The following TGFBR2 variants were observed in gnomAD, a reference collection of about 807,000 sequenced individuals.
TGFBR2 encodes the protein transforming growth factor beta receptor 2, also known as TGF-beta receptor type-2.
A neutral mutation model predicts 49.0 loss-of-function variants in TGFBR2; 18 were observed. The observed-to-expected ratio is 0.37, with a 90% CI of 0.25 to 0.54. TGFBR2 has a LOEUF of 0.54. TGFBR2 is among the 20% of genes least tolerant of loss of function. The pLI is 0.85. For synonymous variants in TGFBR2, 282 were observed against 275.9 expected, an observed-to-expected ratio of 1.02 and a Z score of -0.22; for missense variants, 525 against 722.6, an observed-to-expected ratio of 0.73 and a Z score of 3.13.
rs104893816 is a variant in TGFBR2, at chr3:30,674,229, G to A, written c.1379G>A (p.Arg460His). ...CTGGTGCTCTGGGAAATGACATCTC[G>A]CTGTAATGCAGTGGGAGGTAGGTGT... Reference protein sequence around the residue: ...MALVLWEMTSRCNAVGEVKDY... With the variant: ...MALVLWEMTSHCNAVGEVKDY... The change falls in exon 5 of 7, where the codon CGC becomes CAC. Residue 460 changes from arginine to histidine, a missense_variant. Arg to His is a conservative substitution (Grantham distance 29, BLOSUM62 0). Transcript: ENST00000295754. The A allele has an allele frequency of 6.2e-7, 1 of 1,614,112 alleles. No homozygotes were observed.
At chr3:30,635,056 A>C (rs1377931008) in intron 1 of TGFBR2, among the ~76,000 whole-genome samples, 1 of 152,206 alleles carries the variant, frequency 6.6e-6, no homozygotes, top group Non-Finnish European at 1.5e-5. Flanking sequence ...TGAAAAACTT[A>C]AGAATTTCAT....
At chr3:30,690,992 T>C (rs569791956) in intron 6 of TGFBR2, among the ~76,000 whole-genome samples, 1 of 152,132 alleles carries the variant, frequency 6.6e-6, no homozygotes, top group African/African-American at 2.4e-5. Flanking sequence ...GGGGAAGGGG[T>C]TTTGTGAAAA....
intron 3 of TGFBR2, among the ~76,000 whole-genome samples, chr3:30,663,263 T>C (rs1039144066): frequency 5.1e-5 from 7 of 138,420 alleles, no homozygotes; most frequent in African/African-American, 1.1e-4. Context: ...TACAGTACAG[T>C]CCATATTCAG....
chr3:30,609,357 T>C (rs1443509854), intron 1 of TGFBR2, among the ~76,000 whole-genome samples: 1 of 152,236 alleles, frequency 6.6e-6, no homozygotes, highest in Admixed American at 6.5e-5. Flanking sequence ...TTTCAAAATA[T>C]CTTAATGCAA....
intron 6 of TGFBR2, among the ~76,000 whole-genome samples, chr3:30,690,634 A>G (rs1007972838): frequency 2.0e-5 from 3 of 152,222 alleles, no homozygotes; most frequent in Non-Finnish European, 4.4e-5. Context: ...CTGTTAAAAT[A>G]GAACAGTGTA....
chr3:30,608,663 G>T (rs577053599), intron 1 of TGFBR2, among the ~76,000 whole-genome samples: 17 of 152,214 alleles, frequency 1.1e-4, no homozygotes, highest in Admixed American at 1.1e-3. Context: ...ATTGAAGGTG[G>T]CATGGAGATG....
chr3:30,641,072 C>T (rs572523517), intron 1 of TGFBR2, among the ~76,000 whole-genome samples: 1 of 152,178 alleles, frequency 6.6e-6, no homozygotes, highest in African/African-American at 2.4e-5. Flanking sequence ...CACTGGCCCT[C>T]ATCCCACTCT....
intron 5 of TGFBR2, among the ~76,000 whole-genome samples, chr3:30,680,434 G>A (rs1354803270): frequency 6.6e-6 from 1 of 152,130 alleles, no homozygotes; most frequent in Non-Finnish European, 1.5e-5. Context: ...TATTTATTGA[G>A]TACCTATTGT....
intron 3 of TGFBR2, among the ~76,000 whole-genome samples, chr3:30,662,456 G>A (rs1010046226): frequency 3.3e-5 from 5 of 152,180 alleles, no homozygotes; most frequent in African/African-American, 9.7e-5. Flanking sequence ...GCTTTGTTCT[G>A]AAATATGTGC....
chr3:30,669,930 G>C (rs910032450), intron 3 of TGFBR2, among the ~76,000 whole-genome samples: 1 of 151,998 alleles, frequency 6.6e-6, no homozygotes, highest in Admixed American at 6.6e-5. Flanking sequence ...GGTTCCCCTT[G>C]AGAGAATTTG....
intron 3 of TGFBR2, among the ~76,000 whole-genome samples, chr3:30,663,351 C>G (rs989289148): frequency 6.6e-6 from 1 of 152,056 alleles, no homozygotes; most frequent in Non-Finnish European, 1.5e-5. Context: ...GATTGTTTTG[C>G]CTCTACAGTG....
intron 5 of TGFBR2, among the ~76,000 whole-genome samples, chr3:30,675,639 C>T (rs967089473): frequency 3.9e-5 from 6 of 152,192 alleles, no homozygotes; most frequent in African/African-American, 1.4e-4. Context: ...CCCACCTCGG[C>T]CTCCCAAAGT....
chr3:30,666,437 T>A (rs1041213087), intron 3 of TGFBR2, among the ~76,000 whole-genome samples: 1 of 152,192 alleles, frequency 6.6e-6, no homozygotes, highest in African/African-American at 2.4e-5. Context: ...ACTACTAAAC[T>A]GTGGTTCTTA....
chr3:30,608,010 G>A (rs1403251567), intron 1 of TGFBR2, among the ~76,000 whole-genome samples: 1 of 150,636 alleles, frequency 6.6e-6, no homozygotes, highest in African/African-American at 2.4e-5. Flanking sequence ...GCGCAATCTC[G>A]GCTCACTGCA....
chr3:30,654,656 A>C (rs952722683), intron 3 of TGFBR2, among the ~76,000 whole-genome samples: 13 of 152,228 alleles, frequency 8.5e-5, no homozygotes, highest in African/African-American at 3.1e-4. Flanking sequence ...GTCATGATGG[A>C]TGGCCTGGTG....
At chr3:30,628,762 A>G (rs1197563036) in intron 1 of TGFBR2, among the ~76,000 whole-genome samples, 2 of 151,994 alleles carry the variant, frequency 1.3e-5, no homozygotes, top group Non-Finnish European at 2.9e-5. Flanking sequence ...ATGAGCCTTT[A>G]CAGGTTTCAG....
chr3:30,672,568 G>C lies in TGFBR2; in HGVS notation c.1254+131G>C. ...CACTGGTCTAGGGAATCTAGCCAAA[G>C]TATGGAGTCTGCCTTGAGCATACTC... is the stretch of plus-strand genomic sequence containing the variant. On this transcript the variant is annotated intron_variant, in intron 4 of 6. Transcript: ENST00000295754. This position sits in a 1 kb window ranked among gnomAD's most constrained non-coding sequence, Gnocchi z 4.5. 1 of 1,023,616 alleles carries C rather than the reference G, an allele frequency of 9.8e-7. No homozygotes were observed. Among genetic ancestry groups the C allele is most frequent in the South Asian group, 1.3e-5 (1 of 76,968 alleles). 63.4% of individuals were successfully genotyped at this position (1,023,616 alleles called of 1,614,324 possible).
chr3:30,673,704 A>C (rs190215368), intron 4 of TGFBR2, among the ~76,000 whole-genome samples: 1 of 151,692 alleles, frequency 6.6e-6, no homozygotes, highest in Admixed American at 6.6e-5. Context: ...TTTTTACCAT[A>C]AGTCTTGGAG....
intron 1 of TGFBR2, among the ~76,000 whole-genome samples, chr3:30,608,835 T>C (rs6770038): frequency 0.75 from 113,415 of 152,124 alleles, 43,622 homozygotes; most frequent in East Asian, 0.9. Context: ...CCTCCAGACT[T>C]TTAAAACCTA....
Sources: gnomAD v4.1 joint callset for allele counts (sites outside exome capture counted in the v4.1 genomes callset) on GRCh38, gnomAD v4.1.1 for gene constraint, Gnocchi (gnomAD v3.1) non-coding constraint, MANE v1.5 for transcripts, NCBI Gene and HGNC (gene_info 2026-07-23, HGNC 2026-07-21) for gene names.